TOM1: variants seen among roughly 807,000 people sequenced by gnomAD.
TOM1 encodes the protein target of Myb protein 1.
TOM1 carries 38 observed loss-of-function variants against 61.3 expected under a neutral mutation model. The ratio of observed to expected loss-of-function variants is 0.62; its 90% confidence interval spans 0.48 to 0.81. The LOEUF (loss-of-function observed/expected upper bound fraction) is 0.81. Among genes scored for constraint, TOM1 ranks in the 40% least tolerant of loss-of-function variants. TOM1 has a pLI of 0.00. For synonymous variants in TOM1, 270 were observed against 268.8 expected, an observed-to-expected ratio of 1.00 and a Z score of -0.04; for missense variants, 591 against 659.6, an observed-to-expected ratio of 0.90 and a Z score of 1.14.
Position 35,327,523 on chromosome 22 carries a change from C to G in TOM1, c.765+136C>G. On this transcript the variant is annotated intron_variant, in intron 7 of 14. Coordinates refer to ENST00000449058, the MANE Select transcript of TOM1 (RefSeq NM_005488.3). ...GTCACAGTTGGGGACATGTTACCAC[C>G]AGGGACTTTGGACGCCATCAGATTG... 6.2e-6 allele frequency: 4 copies of G among 647,804 alleles called. No homozygotes were observed. In the East Asian group the frequency reaches 8.3e-5, roughly 14 times the overall value. 40.1% of individuals were successfully genotyped at this position (647,804 alleles called of 1,614,324 possible).
chr22:35,304,786 C>T (rs1175063821), intron 1 of TOM1, among the ~76,000 whole-genome samples: 2 of 152,208 alleles, frequency 1.3e-5, no homozygotes, highest in African/African-American at 4.8e-5. Context: ...CCTACTGGCT[C>T]TGTTTTATAG....
intron 12 of TOM1, among the ~76,000 whole-genome samples, chr22:35,342,533 G>T (rs933657901): frequency 6.6e-6 from 1 of 151,930 alleles, no homozygotes; most frequent in Non-Finnish European, 1.5e-5. Flanking sequence ...GCTATCCTGG[G>T]GTTGCTGAGG....
Position 35,323,510 on chromosome 22 carries a change from G to T in TOM1, c.381G>T (p.Ala127=), listed in dbSNP as rs143199209. 2.9e-5 allele frequency: 46 copies of T among 1,613,998 alleles called. No homozygotes were observed. Among genetic ancestry groups the T allele is most frequent in the Non-Finnish European group, 3.7e-5 (44 of 1,180,040 alleles). Residue 127 remains alanine (A), a synonymous_variant, in exon 5 of 15, where the codon GCG becomes GCT. Coordinates refer to ENST00000449058, the MANE Select transcript of TOM1 (RefSeq NM_005488.3). The surrounding 1 kb of genome is among the most constrained non-coding windows in gnomAD (Gnocchi z 4.2). ...VLNLIQSWAD[A]FRSSPDLTGV... ...TCCCCTCTCAGTCCTGGGCTGACGC[G>T]TTCCGCAGCTCGCCCGATCTGACAG...
chr22:35,303,990 C>T (rs76975453), intron 1 of TOM1, among the ~76,000 whole-genome samples: 7,703 of 152,210 alleles, frequency 0.051, 250 homozygotes, highest in East Asian at 0.078. Context: ...AGGAAAGTAA[C>T]ATTTTGTGAG....
intron 13 of TOM1, 127 bp from the exon 14 acceptor site, chr22:35,346,803 G>T (rs1000197920): frequency 2.3e-6 from 2 of 857,234 alleles, no homozygotes; most frequent in Non-Finnish European, 3.7e-6. Flanking sequence ...GGTGGTGGGG[G>T]CGTGCAGAGC....
Position 35,323,827 on chromosome 22 carries a change from G to A in TOM1, c.561G>A (p.Gln187=). Residue 187 remains glutamine, a synonymous_variant, in exon 6 of 15, where the codon CAG becomes CAA. Coordinates refer to ENST00000449058, the MANE Select transcript of TOM1 (RefSeq NM_005488.3). The surrounding 1 kb of genome is among the most constrained non-coding windows in gnomAD (Gnocchi z 4.2). ...ATTCTGTGGGCACTGACTCCAGCCA[G>A]CAAGAGGACTCTGGCCAGCATGCTG... ...GQDSVGTDSS[Q]QEDSGQHAAP... is the part of the protein sequence containing the mutation. 2 of 1,613,222 alleles carry A rather than the reference G, an allele frequency of 1.2e-6. No individual in the cohort carries two copies.
At chr22:35,346,320 G>A (rs1373881857) in intron 13 of TOM1, among the ~76,000 whole-genome samples, 3 of 152,254 alleles carry the variant, frequency 2.0e-5, no homozygotes, top group Admixed American at 2.0e-4. Flanking sequence ...TCCTACCGCA[G>A]CATCTGCCAC....
intron 11 of TOM1, among the ~76,000 whole-genome samples, chr22:35,337,760 G>A (rs568946739): frequency 6.6e-5 from 10 of 152,314 alleles, no homozygotes; most frequent in African/African-American, 1.9e-4. Context: ...AACAGGAATC[G>A]CAGGCCTTTC....
intron 7 of TOM1, among the ~76,000 whole-genome samples, chr22:35,328,822 G>T (rs715514): frequency 2.6e-5 from 4 of 152,190 alleles, no homozygotes; most frequent in African/African-American, 9.6e-5. Flanking sequence ...GGCCACAGTC[G>T]GCAATGCCGG....
chr22:35,335,761 C>T (rs1300816091), intron 11 of TOM1: 1 of 154,892 alleles, frequency 6.5e-6, no homozygotes, highest in Non-Finnish European at 1.5e-5. Flanking sequence ...CCAGGACCAC[C>T]GCTGTGAAGG....
chr22:35,334,682 G>A (rs1214188879), intron 11 of TOM1, among the ~76,000 whole-genome samples: 3 of 152,132 alleles, frequency 2.0e-5, no homozygotes, highest in African/African-American at 7.2e-5. Context: ...ATGACCCACT[G>A]TATGCCAGAA....
chr22:35,324,830 A>T (rs1272443534), intron 6 of TOM1, among the ~76,000 whole-genome samples: 2 of 152,226 alleles, frequency 1.3e-5, no homozygotes, highest in East Asian at 3.8e-4. Flanking sequence ...GATTACAGGC[A>T]TGAGCCACCA....
At chr22:35,308,002 G>A (rs187816286) in intron 1 of TOM1, among the ~76,000 whole-genome samples, 2 of 152,298 alleles carry the variant, frequency 1.3e-5, no homozygotes, top group Admixed American at 1.3e-4. Context: ...AATAACATGG[G>A]TGGGCCTCGT....
chr22:35,329,025 G>A (rs1294328743), intron 7 of TOM1, among the ~76,000 whole-genome samples: 4 of 152,032 alleles, frequency 2.6e-5, no homozygotes, highest in Admixed American at 6.5e-5. Context: ...GCGCGATCTC[G>A]GCTCACCGCA....
Position 35,323,400 on chromosome 22 carries a change from A to G in TOM1, c.367-96A>G, listed in dbSNP as rs977698364. The stretch of plus-strand genomic sequence containing the variant: ...CAGATGTAGTTAAAAAAAAAAAAAA[A>G]GCAGGGAAAGAATGTCTGTTCTCTG... On this transcript the variant is annotated intron_variant, in intron 4 of 14. Coordinates refer to ENST00000449058, the MANE Select transcript of TOM1 (RefSeq NM_005488.3). The surrounding 1 kb of genome is among the most constrained non-coding windows in gnomAD (Gnocchi z 4.2). 5.5e-6 allele frequency: 8 copies of G among 1,454,456 alleles called. No individual in the cohort carries two copies. The highest frequency in any genetic ancestry group is 7.4e-6 in the Non-Finnish European group (8 of 1,080,932). 90.1% of individuals were successfully genotyped at this position (1,454,456 alleles called of 1,614,324 possible). A position where few individuals can be genotyped will look rare whatever the true frequency, so the allele number is the denominator to read the frequency against.
intron 8 of TOM1, 83 bp from the exon 9 acceptor site, chr22:35,332,898 C>G: frequency 7.1e-7 from 1 of 1,410,970 alleles, no homozygotes; most frequent in Non-Finnish European, 1.0e-6. Context: ...TGTTGAGACC[C>G]ACAGTTTGAA....
intron 1 of TOM1, among the ~76,000 whole-genome samples, chr22:35,313,433 T>G (rs1303924432): frequency 6.6e-6 from 1 of 152,150 alleles, no homozygotes; most frequent in African/African-American, 2.4e-5. Context: ...TGGTGACTAC[T>G]CATTCTTTCT....
chr22:35,338,606 C>A, intron 11 of TOM1, 107 bp from the exon 12 acceptor site: 1 of 828,516 alleles, frequency 1.2e-6, no homozygotes, highest in Non-Finnish European at 1.8e-6. Flanking sequence ...CATTTCCAGG[C>A]AGGCCTGGAG....
At chr22:35,316,281 G>A (rs1927269529) in intron 1 of TOM1, among the ~76,000 whole-genome samples, 1 of 152,236 alleles carries the variant, frequency 6.6e-6, no homozygotes, top group South Asian at 2.1e-4. Flanking sequence ...AGTCCTCCAT[G>A]TAGTCACAAT....
Sources: gnomAD v4.1 joint callset for allele counts (sites outside exome capture counted in the v4.1 genomes callset) on GRCh38, gnomAD v4.1.1 for gene constraint, Gnocchi (gnomAD v3.1) non-coding constraint, MANE v1.5 for transcripts, NCBI Gene and HGNC (gene_info 2026-07-23, HGNC 2026-07-21) for gene names.